The following RAD51B variants were observed in gnomAD, a reference collection of about 807,000 sequenced individuals.
RAD51B encodes the protein RAD51 paralog B.
In RAD51B, 38 loss-of-function variants were observed where a neutral mutation model predicts 42.2. The observed-to-expected ratio is 0.90, with a 90% CI of 0.70 to 1.18. The LOEUF is 1.18. Among genes scored for constraint, RAD51B ranks in the 50% most tolerant of loss-of-function variants. RAD51B has a pLI of 0.00. For missense variants in RAD51B, 373 were observed against 400.7 expected (o/e 0.93, Z 0.59); for synonymous variants, 154 against 145.2 (o/e 1.06, Z -0.43).
At chr14:68,645,925 CA>C (rs1331114357) in intron 10 of RAD51B, among the ~76,000 whole-genome samples, 1 of 151,540 alleles carries the variant, frequency 6.6e-6, no homozygotes, top group African/African-American at 2.4e-5. Context: ...AGATAAAATA[CA>C]GGATGTCCAG....
intron 9 of RAD51B, among the ~76,000 whole-genome samples, chr14:68,443,017 T>C (rs2085338146): frequency 6.6e-6 from 1 of 152,192 alleles, no homozygotes; most frequent in African/African-American, 2.4e-5. Flanking sequence ...TGTTCCACTC[T>C]CCCAGCAAAG....
intron 8 of RAD51B, among the ~76,000 whole-genome samples, chr14:68,371,036 C>CAAAAAAAAAAAA (rs75617123): frequency 1.2e-4 from 3 of 25,964 alleles, no homozygotes; most frequent in Non-Finnish European, 1.8e-4. Context: ...GACTCTGTCT[C>CAAAAAAAAAAAA]AAAAAAAAAA....
intron 8 of RAD51B, among the ~76,000 whole-genome samples, chr14:68,345,305 A>AT (rs1233458205): frequency 6.6e-6 from 1 of 152,044 alleles, no homozygotes; most frequent in Non-Finnish European, 1.5e-5. Flanking sequence ...TATAGTTTAG[A>AT]TATTTGTCCC....
At chr14:68,147,208 G>T (rs938786019) in intron 7 of RAD51B, among the ~76,000 whole-genome samples, 2 of 152,164 alleles carry the variant, frequency 1.3e-5, no homozygotes, top group African/African-American at 2.4e-5. Context: ...AGAAATAGTT[G>T]AATTGGATGA....
intron 9 of RAD51B, 116 bp downstream of exon 9, chr14:68,411,643 T>C: frequency 2.2e-6 from 2 of 897,790 alleles, no homozygotes; most frequent in South Asian, 3.1e-5. Context: ...CAGCAGCAGC[T>C]ATTAGGGCCT....
chr14:68,647,256 G>A (rs1892580065), intron 10 of RAD51B, among the ~76,000 whole-genome samples: 1 of 151,982 alleles, frequency 6.6e-6, no homozygotes, highest in Non-Finnish European at 1.5e-5. Flanking sequence ...TATTGCTACT[G>A]CATGTCTTAT....
At chr14:68,380,142 T>A (rs2139983248) in intron 8 of RAD51B, among the ~76,000 whole-genome samples, 1 of 152,326 alleles carries the variant, frequency 6.6e-6, no homozygotes, top group Non-Finnish European at 1.5e-5. Flanking sequence ...GTTCTGGAGA[T>A]GTTCTCGTGC....
intron 4 of RAD51B, among the ~76,000 whole-genome samples, chr14:67,839,896 A>T (rs1054844453): frequency 6.6e-6 from 1 of 152,094 alleles, no homozygotes; most frequent in African/African-American, 2.4e-5. Context: ...CATTCCCATC[A>T]CAATTGCTTC....
intron 8 of RAD51B, among the ~76,000 whole-genome samples, chr14:68,388,142 G>C (rs1156298919): frequency 2.7e-5 from 4 of 149,060 alleles, no homozygotes; most frequent in African/African-American, 1.0e-4. Flanking sequence ...CACCCAGGCT[G>C]GAGTGCAGTG....
At chr14:68,540,473 T>G in intron 10 of RAD51B, 1 of 985,334 alleles carries the variant, frequency 1.0e-6, no homozygotes, top group Non-Finnish European at 1.2e-6. Context: ...CATGTGGAAA[T>G]GAGAGACTTA....
At chr14:68,638,072 A>G (rs531553626) in intron 10 of RAD51B, among the ~76,000 whole-genome samples, 1 of 152,352 alleles carries the variant, frequency 6.6e-6, no homozygotes, top group East Asian at 1.9e-4. Flanking sequence ...CAAAGTCACA[A>G]TGTCCCTCGG....
At chr14:67,934,528 A>G (rs748061756) in intron 7 of RAD51B, among the ~76,000 whole-genome samples, 4 of 152,148 alleles carry the variant, frequency 2.6e-5, no homozygotes, top group Admixed American at 1.3e-4. Flanking sequence ...AGGATACGAG[A>G]TGCTGTTTCT....
chr14:67,827,820 C>T (rs1566910775), intron 3 of RAD51B, among the ~76,000 whole-genome samples: 1 of 152,188 alleles, frequency 6.6e-6, no homozygotes, highest in Non-Finnish European at 1.5e-5. Flanking sequence ...GACATAATCT[C>T]ATTCCTTTTT....
intron 7 of RAD51B, among the ~76,000 whole-genome samples, chr14:68,142,579 A>G (rs73288023): frequency 0.014 from 2,167 of 152,318 alleles, 52 homozygotes; most frequent in African/African-American, 0.049. Context: ...TCCAAGGCCT[A>G]AAATTGACTT....
intron 7 of RAD51B, among the ~76,000 whole-genome samples, chr14:67,995,093 A>G (rs1566564263): frequency 6.6e-6 from 1 of 152,164 alleles, no homozygotes; most frequent in African/African-American, 2.4e-5. Context: ...GATTTGGAGT[A>G]TAAGACACAC....
intron 7 of RAD51B, among the ~76,000 whole-genome samples, chr14:67,959,149 A>G (rs1042713091): frequency 3.3e-5 from 5 of 152,212 alleles, no homozygotes; most frequent in African/African-American, 1.2e-4. Flanking sequence ...TGAGGTTTAT[A>G]CATATAAAAT....
At chr14:68,435,872 A>G (rs1043234257) in intron 9 of RAD51B, among the ~76,000 whole-genome samples, 3 of 151,808 alleles carry the variant, frequency 2.0e-5, no homozygotes, top group Admixed American at 6.6e-5. Flanking sequence ...TAATGGGGTT[A>G]TTTATTTTTT....
intron 7 of RAD51B, among the ~76,000 whole-genome samples, chr14:68,153,870 T>C (rs1427771164): frequency 2.0e-5 from 3 of 152,224 alleles, no homozygotes; most frequent in African/African-American, 7.2e-5. Context: ...GAGGTTAGTG[T>C]ATCTCATTTA....
chr14:68,362,858 AT>A (rs1234379118), intron 8 of RAD51B, among the ~76,000 whole-genome samples: 3 of 151,936 alleles, frequency 2.0e-5, no homozygotes, highest in Non-Finnish European at 2.9e-5. Context: ...CAAAAAAAAA[AT>A]TAAAAAAAAA....
Sources: gnomAD v4.1 joint callset for allele counts (sites outside exome capture counted in the v4.1 genomes callset) on GRCh38, gnomAD v4.1.1 for gene constraint, MANE v1.5 for transcripts, NCBI Gene and HGNC (gene_info 2026-07-23, HGNC 2026-07-21) for gene names.